CSTF3: variants seen among roughly 807,000 people sequenced by gnomAD.
CSTF3 encodes the protein cleavage stimulation factor subunit 3.
Under a neutral mutation model 105.8 loss-of-function variants are expected in CSTF3, and 29 were observed. That is an observed-to-expected ratio of 0.27 (90% CI 0.20 to 0.37). The LOEUF (loss-of-function observed/expected upper bound fraction) is 0.37. CSTF3 is among the 10% of genes least tolerant of loss of function. The pLI is 1.00. For missense variants in CSTF3, 357 were observed against 879.3 expected (o/e 0.41, Z 7.51); for synonymous variants, 252 against 281.9 (o/e 0.89, Z 1.06).
At chr11:33,152,169 C>T (rs957677306) in intron 1 of CSTF3, among the ~76,000 whole-genome samples, 2 of 152,144 alleles carry the variant, frequency 1.3e-5, no homozygotes, top group African/African-American at 4.8e-5. Context: ...GTGGGAGGAT[C>T]CCTTGAGCCG....
chr11:33,131,877 C>T lies in CSTF3; in HGVS notation c.225+9790G>A, dbSNP rs117764115. ...AAACAAAGATTTGAACATTATTGTTCCTTTTAAGTGTGATAATGGTATTGT... is the reference window on the plus strand; with the variant it reads ...AAACAAAGATTTGAACATTATTGTTTCTTTTAAGTGTGATAATGGTATTGT... On this transcript the variant is annotated intron_variant, in intron 3 of 20. Coordinates refer to ENST00000323959, the MANE Select transcript of CSTF3 (RefSeq NM_001326.3). Among the ~76,000 whole-genome samples, 1,255 of 152,054 alleles carry T rather than the reference C, an allele frequency of 8.3e-3. 11 individuals are homozygous for T. Among genetic ancestry groups the T allele is most frequent in the Non-Finnish European group, 0.012 (833 of 67,970 alleles).
chr11:33,111,033 A>G (rs1855373990), intron 3 of CSTF3, among the ~76,000 whole-genome samples: 1 of 152,178 alleles, frequency 6.6e-6, no homozygotes, highest in South Asian at 2.1e-4. Flanking sequence ...GTTCGAGACC[A>G]GCCTGGCCAA....
intron 3 of CSTF3, among the ~76,000 whole-genome samples, chr11:33,134,130 G>A (rs1003133216): frequency 1.5e-4 from 23 of 152,140 alleles, no homozygotes; most frequent in African/African-American, 4.6e-4. Context: ...AAAAAGCAGT[G>A]CAAAATATAT....
intron 14 of CSTF3, 90 bp downstream of exon 14, chr11:33,096,745 G>T: frequency 7.8e-7 from 1 of 1,280,138 alleles, no homozygotes; most frequent in Non-Finnish European, 1.1e-6. Context: ...AGCAATAAAA[G>T]CTTAATGACA....
chr11:33,142,322 G>A (rs1252960238), intron 1 of CSTF3, among the ~76,000 whole-genome samples: 7 of 104,996 alleles, frequency 6.7e-5, no homozygotes, highest in South Asian at 3.3e-4. Context: ...ATTATATGAC[G>A]TTATTATAAT....
chr11:33,142,282 C>T (rs1855722237), intron 1 of CSTF3, among the ~76,000 whole-genome samples: 3 of 151,972 alleles, frequency 2.0e-5, no homozygotes, highest in South Asian at 2.1e-4. Context: ...CTAAACAACA[C>T]AGTATAACAA....
In CSTF3 at chr11:33,084,890, TA is replaced by T. The variant is rs1370744853; in HGVS notation, c.*196del. On this transcript the variant is annotated 3_prime_UTR_variant, in exon 21 of 21. Coordinates refer to ENST00000323959, the MANE Select transcript of CSTF3 (RefSeq NM_001326.3). ...ACATTTTTGAAAACCTAATTTTGCTTAGAGCATAGGTCTGTTCCGTATTCTA... is the reference window on the plus strand; with the variant it reads ...ACATTTTTGAAAACCTAATTTTGCTTGAGCATAGGTCTGTTCCGTATTCTA... 1 of 628,694 alleles carries T rather than the reference TA, an allele frequency of 1.6e-6. No individual in the cohort carries two copies. Among genetic ancestry groups the T allele is most frequent in the African/African-American group, 1.8e-5 (1 of 54,416 alleles). The allele number at this position is 628,694 out of a possible 1,614,324, so 38.9% of individuals were successfully genotyped here.
intron 17 of CSTF3, among the ~76,000 whole-genome samples, chr11:33,090,073 C>A (rs2133768790): frequency 6.6e-6 from 1 of 152,266 alleles, no homozygotes; most frequent in South Asian, 2.1e-4. Context: ...CCTCAAGGAA[C>A]TTTATGGATT....
At chr11:33,137,415 G>A (rs186266611) in intron 3 of CSTF3, among the ~76,000 whole-genome samples, 2 of 151,958 alleles carry the variant, frequency 1.3e-5, no homozygotes, top group African/African-American at 4.8e-5. Flanking sequence ...GACCATGTTA[G>A]TAGAAGTGAC....
At chr11:33,116,361 G>A (rs1267647831) in intron 3 of CSTF3, among the ~76,000 whole-genome samples, 1 of 152,120 alleles carries the variant, frequency 6.6e-6, no homozygotes, top group Non-Finnish European at 1.5e-5. Flanking sequence ...CTAAATTTAA[G>A]TTTAAATTAT....
At chr11:33,136,713 T>C (rs570967766) in intron 3 of CSTF3, among the ~76,000 whole-genome samples, 1 of 152,052 alleles carries the variant, frequency 6.6e-6, no homozygotes, top group Non-Finnish European at 1.5e-5. Flanking sequence ...TATGGAGGTT[T>C]CTAGCTCTGT....
intron 3 of CSTF3, among the ~76,000 whole-genome samples, chr11:33,132,150 T>C (rs1432256529): frequency 6.6e-6 from 1 of 152,226 alleles, no homozygotes; most frequent in Non-Finnish European, 1.5e-5. Flanking sequence ...TTTCAAATTC[T>C]TTCATTCCTA....
At chr11:33,161,177 T>C in intron 1 of CSTF3, 122 bp downstream of exon 1, 10 of 1,024,708 alleles carry the variant, frequency 9.8e-6, no homozygotes, top group Non-Finnish European at 1.3e-5. Context: ...CACTCTTCTA[T>C]ATACCCTGTC....
intron 3 of CSTF3, among the ~76,000 whole-genome samples, chr11:33,113,044 C>T (rs894012588): frequency 6.6e-6 from 1 of 151,746 alleles, no homozygotes; most frequent in East Asian, 1.9e-4. Flanking sequence ...CCCGTCTCTA[C>T]TAAAAATATA....
intron 3 of CSTF3, among the ~76,000 whole-genome samples, chr11:33,111,599 A>G (rs34330869): frequency 4.6e-5 from 7 of 152,210 alleles, no homozygotes; most frequent in Non-Finnish European, 8.8e-5. Context: ...AAAAATAGAG[A>G]CAAGAAAAAA....
At chr11:33,158,849 A>G (rs1431801946) in intron 1 of CSTF3, among the ~76,000 whole-genome samples, 1 of 152,158 alleles carries the variant, frequency 6.6e-6, no homozygotes, top group African/African-American at 2.4e-5. Context: ...AAACAACAAA[A>G]AACAAATACA....
intron 1 of CSTF3, 31 bp from the exon 2 acceptor site, chr11:33,142,017 T>C (rs961407394): frequency 6.2e-7 from 1 of 1,612,876 alleles, no homozygotes; most frequent in African/African-American, 1.3e-5. Context: ...TGAACTAAAG[T>C]TACTGTTTTA....
At chr11:33,139,377 C>A (rs1855686084) in intron 3 of CSTF3, among the ~76,000 whole-genome samples, 1 of 151,904 alleles carries the variant, frequency 6.6e-6, no homozygotes, top group Non-Finnish European at 1.5e-5. Flanking sequence ...TTCTTGAGTG[C>A]ATACAGAATG....
At chr11:33,156,795 C>G (rs533501295) in intron 1 of CSTF3, 1 of 436,588 alleles carries the variant, frequency 2.3e-6, no homozygotes, top group African/African-American at 2.1e-5. Context: ...AGTGAGACCT[C>G]GTCTCTACCT....
Sources: allele counts gnomAD v4.1 joint callset (sites outside exome capture counted in the v4.1 genomes callset), GRCh38; gene constraint gnomAD v4.1.1; transcripts MANE v1.5; gene names NCBI Gene and HGNC (gene_info 2026-07-23, HGNC 2026-07-21).